ZNF324B: variants seen among roughly 807,000 people sequenced by gnomAD.
ZNF324B encodes zinc finger protein 324B.
A neutral mutation model predicts 10.6 loss-of-function variants in ZNF324B; 7 were observed. That is an observed-to-expected ratio of 0.66 (90% CI 0.38 to 1.24). The LOEUF (loss-of-function observed/expected upper bound fraction) is 1.24. Ranked by LOEUF, ZNF324B falls within the 50% of genes most tolerant of loss-of-function variation. The probability of loss-of-function intolerance (pLI) is 0.02; values close to 1 mark genes in which losing one functional copy is unlikely to be tolerated. For synonymous variants in ZNF324B, 316 were observed against 321.0 expected, an observed-to-expected ratio of 0.98 and a Z score of 0.17; for missense variants, 640 against 764.7, an observed-to-expected ratio of 0.84 and a Z score of 1.92.
the ZNF324B span, among the ~76,000 whole-genome samples, chr19:58,431,777 G>A: frequency 6.6e-6 from 1 of 152,182 alleles, no homozygotes; most frequent in Non-Finnish European, 1.5e-5. Context: ...AGATCAGGAG[G>A]TCAGGAGATC....
At chr19:58,419,616 G>A in the ZNF324B span, among the ~76,000 whole-genome samples, 69 of 152,276 alleles carry the variant, frequency 4.5e-4, no homozygotes, top group Middle Eastern at 3.4e-3. Flanking sequence ...TCTCTGGGCT[G>A]TTCACCTCTC....
chr19:58,434,339 G>C, the ZNF324B span: 1 of 1,614,238 alleles, frequency 6.2e-7, no homozygotes. Flanking sequence ...TCTCCAGTGT[G>C]AACTTTCTCA....
At chr19:58,427,361 T>TCTCTTTCCTTCCTTC in the ZNF324B span, among the ~76,000 whole-genome samples, 2 of 53,478 alleles carry the variant, frequency 3.7e-5, no homozygotes, top group Admixed American at 2.5e-4. Context: ...TTTCTTTCTT[T>TCTCTTTCCTTCCTTC]CTTTCTTTCT....
At chr19:58,424,998 G>A in the ZNF324B span, among the ~76,000 whole-genome samples, 3 of 152,154 alleles carry the variant, frequency 2.0e-5, no homozygotes, top group Admixed American at 2.0e-4. Flanking sequence ...GCTCATGGCT[G>A]TAATCCCACC....
At chr19:58,450,629 G>T (rs2052849541), upstream of ZNF324B, among the ~76,000 whole-genome samples, 1 of 152,146 alleles carries the variant, frequency 6.6e-6, no homozygotes, top group East Asian at 1.9e-4. Flanking sequence ...ACACTATAGG[G>T]ATCTACAAGT....
At chr19:58,427,362 C>CTTTCTTTCTCTTTCCTTTCTTTCTT in the ZNF324B span, among the ~76,000 whole-genome samples, 7 of 40,426 alleles carry the variant, frequency 1.7e-4, no homozygotes, top group Non-Finnish European at 3.2e-4. Flanking sequence ...TTCTTTCTTT[C>CTTTCTTTCTCTTTCCTTTCTTTCTT]TTTCTTTCTT....
the ZNF324B span, among the ~76,000 whole-genome samples, chr19:58,427,273 C>T: frequency 6.1e-5 from 8 of 130,244 alleles, no homozygotes; most frequent in East Asian, 2.5e-4. Context: ...TACACGCATG[C>T]GCCACCATGC....
chr19:58,440,548 G>T, the ZNF324B span: 2 of 152,418 alleles, frequency 1.3e-5, no homozygotes, highest in African/African-American at 4.8e-5. Context: ...AATCTTGGAG[G>T]CTCCCTGGGC....
chr19:58,431,584 C>G, the ZNF324B span, among the ~76,000 whole-genome samples: 4 of 152,168 alleles, frequency 2.6e-5, no homozygotes, highest in African/African-American at 9.7e-5. Context: ...ATGGGGACTC[C>G]TGTTCACATC....
the ZNF324B span, among the ~76,000 whole-genome samples, chr19:58,427,498 CTTTCTT>C: frequency 2.3e-5 from 2 of 86,466 alleles, no homozygotes; most frequent in East Asian, 3.3e-4. Context: ...TCCTTCCTTT[CTTTCTT>C]TTTCTTTCTT....
In ZNF324B at chr19:58,456,635, T is replaced by G; in HGVS notation, c.*56T>G. 6.4e-7 allele frequency: 1 copy of G among 1,560,534 alleles called. No homozygotes were observed. The highest frequency in any genetic ancestry group is 8.7e-7 in the Non-Finnish European group (1 of 1,149,378). ...GCCTTCTGTGAATCCCTTCCACAGC[T>G]AAAGGGTCCGAGTGCTCTTCAGATC... On this transcript the variant is annotated 3_prime_UTR_variant, in exon 4 of 4. Transcript: ENST00000336614. This position sits in a 1 kb window ranked among gnomAD's most constrained non-coding sequence, Gnocchi z 4.7.
the ZNF324B span, among the ~76,000 whole-genome samples, chr19:58,421,581 A>G: frequency 6.6e-6 from 1 of 151,990 alleles, no homozygotes; most frequent in Non-Finnish European, 1.5e-5. Context: ...GCGTTTCACC[A>G]TGTTGGTCGG....
chr19:58,440,780 T>G, the ZNF324B span: 3 of 152,010 alleles, frequency 2.0e-5, no homozygotes. Context: ...TCGTCGCCCT[T>G]GGCGTTATGT....
chr19:58,442,011 C>G, the ZNF324B span: 1 of 152,384 alleles, frequency 6.6e-6, no homozygotes, highest in Non-Finnish European at 1.5e-5. Context: ...AGGTTTTCCT[C>G]CGCCTTTCCA....
the ZNF324B span, among the ~76,000 whole-genome samples, chr19:58,427,452 C>CCCTTCCCTTCCTT: frequency 4.3e-5 from 2 of 47,052 alleles, no homozygotes; most frequent in Admixed American, 2.5e-4. Flanking sequence ...CCTTTCCTTT[C>CCCTTCCCTTCCTT]CCTTCCTTCC....
chr19:58,427,395 TTTCTTTCTTTCC>T, the ZNF324B span, among the ~76,000 whole-genome samples: 3 of 52,016 alleles, frequency 5.8e-5, 1 homozygote, highest in South Asian at 1.5e-3. Context: ...TCTTTCTTTC[TTTCTTTCTTTCC>T]TTCCTTCCTT....
rs748178828 is a variant in ZNF324B, at chr19:58,455,686, G to A, written c.742G>A (p.Glu248Lys). Residue 248 changes from glutamate (E) to lysine (K), a missense_variant, in exon 4 of 4, where the codon GAG becomes AAG. By Grantham distance (56) the Glu-to-Lys change is moderately conservative. Around this residue, in one of 3 missense-constraint regions of ZNF324B, gnomAD observed 345 missense variants for 387.9 expected, o/e 0.89. Transcript: ENST00000336614. This position sits in a 1 kb window ranked among gnomAD's most constrained non-coding sequence, Gnocchi z 7.0. ...QEPSTWDELG[E>K]ALHAGEKSFE... ...GCCCTCGACCTGGGACGAGCTGGGC[G>A]AGGCTCTTCACGCTGGGGAGAAGTC... 25 of 1,613,400 alleles carry A rather than the reference G, an allele frequency of 1.5e-5. No individual in the cohort carries two copies. The East Asian group carries it at 5.1e-4, about 33-fold the overall frequency.
chr19:58,433,281 G>A, the ZNF324B span: 1 of 1,566,318 alleles, frequency 6.4e-7, no homozygotes, highest in Non-Finnish European at 8.7e-7. Context: ...GTTTGACTTG[G>A]CTGAAGATTT....
At chr19:58,423,037 T>G in the ZNF324B span, among the ~76,000 whole-genome samples, 1 of 151,952 alleles carries the variant, frequency 6.6e-6, no homozygotes. Context: ...GCTCAGCTAA[T>G]TTTTTGTATT....
Sources: allele counts gnomAD v4.1 joint callset (sites outside exome capture counted in the v4.1 genomes callset), GRCh38; gene constraint gnomAD v4.1.1; regional missense constraint gnomAD v4.1.1; non-coding constraint Gnocchi (gnomAD v3.1); transcripts MANE v1.5; gene names NCBI Gene and HGNC (gene_info 2026-07-23, HGNC 2026-07-21).